BRINP3: variants seen among roughly 807,000 people sequenced by gnomAD.
BRINP3 encodes BMP/retinoic acid-inducible neural-specific protein 3.
Under a neutral mutation model 71.0 loss-of-function variants are expected in BRINP3, and 19 were observed. The ratio of observed to expected loss-of-function variants is 0.27; its 90% CI spans 0.19 to 0.39. The LOEUF (loss-of-function observed/expected upper bound fraction) is 0.39, where lower values mean the gene tolerates loss of function less well. BRINP3 is among the 10% of genes least tolerant of loss of function. BRINP3 has a pLI of 1.00. For synonymous variants in BRINP3, 380 were observed against 337.7 expected, an observed-to-expected ratio of 1.13 and a Z score of -1.37; for missense variants, 959 against 940.8, an observed-to-expected ratio of 1.02 and a Z score of -0.25.
intron 6 of BRINP3, 117 bp from the exon 7 acceptor site, chr1:190,161,007 C>A (rs1211018304): frequency 3.0e-6 from 2 of 660,224 alleles, no homozygotes; most frequent in Admixed American, 6.7e-5. Context: ...AAATTAAGAA[C>A]AAATAAATAC....
At chr1:190,119,579 G>T (rs916534676) in intron 7 of BRINP3, among the ~76,000 whole-genome samples, 6 of 152,088 alleles carry the variant, frequency 3.9e-5, no homozygotes, top group Non-Finnish European at 8.8e-5. Flanking sequence ...GAGCTACCGT[G>T]CCCAGCCCTC....
chr1:190,338,743 TAG>T (rs1667455141), intron 2 of BRINP3, among the ~76,000 whole-genome samples: 1 of 151,900 alleles, frequency 6.6e-6, no homozygotes, highest in African/African-American at 2.4e-5. Flanking sequence ...AAGACCTCTG[TAG>T]AAATAATGAC....
chr1:190,155,894 C>T (rs749098276), intron 7 of BRINP3, among the ~76,000 whole-genome samples: 8 of 152,036 alleles, frequency 5.3e-5, no homozygotes, highest in Non-Finnish European at 7.4e-5. Flanking sequence ...AACTGTGAGT[C>T]AATTAAGCCT....
At chr1:190,377,052 T>G (rs1670230354) in intron 2 of BRINP3, among the ~76,000 whole-genome samples, 1 of 152,118 alleles carries the variant, frequency 6.6e-6, no homozygotes. Flanking sequence ...AAAATTTTAA[T>G]TAAGTTCTAA....
intron 7 of BRINP3, among the ~76,000 whole-genome samples, chr1:190,114,884 C>A (rs890333582): frequency 3.3e-5 from 5 of 152,234 alleles, no homozygotes; most frequent in African/African-American, 1.2e-4. Context: ...GCTCATATAT[C>A]TGTACAATTT....
At chr1:190,275,964 G>T (rs111379785) in intron 3 of BRINP3, among the ~76,000 whole-genome samples, 1,656 of 140,586 alleles carry the variant, frequency 0.012, 29 homozygotes, top group African/African-American at 0.032. Flanking sequence ...TATATATATA[G>T]AGAGAGAGAG....
chr1:190,308,962 G>A, intron 2 of BRINP3, among the ~76,000 whole-genome samples: 1 of 151,776 alleles, frequency 6.6e-6, no homozygotes, highest in Middle Eastern at 3.2e-3. Flanking sequence ...TAAAATAATT[G>A]AAAGCAGGGT....
intron 6 of BRINP3, among the ~76,000 whole-genome samples, chr1:190,167,572 T>TCAC (rs1254595160): frequency 6.6e-6 from 1 of 152,188 alleles, no homozygotes; most frequent in Non-Finnish European, 1.5e-5. Flanking sequence ...AATAAATCTT[T>TCAC]CACCTCTTGC....
chr1:190,387,316 C>T (rs1184969490), intron 2 of BRINP3, among the ~76,000 whole-genome samples: 1 of 151,844 alleles, frequency 6.6e-6, no homozygotes, highest in African/African-American at 2.4e-5. Flanking sequence ...AGTTCATGTG[C>T]AAAAGATCTC....
intron 2 of BRINP3, among the ~76,000 whole-genome samples, chr1:190,445,563 T>A (rs1260121663): frequency 7.0e-6 from 1 of 142,424 alleles, no homozygotes; most frequent in Non-Finnish European, 1.5e-5. Context: ...CGCACGTGCA[T>A]AACACATACT....
chr1:190,359,301 T>A (rs892064388), intron 2 of BRINP3, among the ~76,000 whole-genome samples: 3 of 152,122 alleles, frequency 2.0e-5, no homozygotes, highest in Non-Finnish European at 4.4e-5. Context: ...TGGTTTGGAC[T>A]AGACAGATAT....
At chr1:190,203,529 T>C (rs1655199881) in intron 6 of BRINP3, among the ~76,000 whole-genome samples, 1 of 149,408 alleles carries the variant, frequency 6.7e-6, no homozygotes, top group African/African-American at 2.4e-5. Flanking sequence ...TGGATGTCTC[T>C]ATAGCCCTCT....
intron 2 of BRINP3, among the ~76,000 whole-genome samples, chr1:190,382,402 A>C (rs887056596): frequency 2.6e-5 from 4 of 152,150 alleles, no homozygotes; most frequent in African/African-American, 9.7e-5. Context: ...GAAAATTAGA[A>C]ATGTGGACTC....
chr1:190,136,521 C>T (rs1654990003), intron 7 of BRINP3, among the ~76,000 whole-genome samples: 1 of 152,106 alleles, frequency 6.6e-6, no homozygotes, highest in African/African-American at 2.4e-5. Context: ...ACCTTCTTCC[C>T]TGCCTTCCCT....
intron 2 of BRINP3, among the ~76,000 whole-genome samples, chr1:190,305,134 T>C (rs1571694256): frequency 6.6e-6 from 1 of 151,954 alleles, no homozygotes; most frequent in East Asian, 1.9e-4. Flanking sequence ...AAAGATGTGG[T>C]GAAAAGGGAA....
intron 2 of BRINP3, among the ~76,000 whole-genome samples, chr1:190,433,178 C>A (rs1674217778): frequency 6.6e-6 from 1 of 152,142 alleles, no homozygotes; most frequent in South Asian, 2.1e-4. Flanking sequence ...TAGACCACTG[C>A]AAATATTGCA....
intron 7 of BRINP3, among the ~76,000 whole-genome samples, chr1:190,148,985 C>T (rs935792053): frequency 3.9e-5 from 6 of 152,158 alleles, no homozygotes; most frequent in African/African-American, 1.2e-4. Context: ...TGGACTCTAG[C>T]TCTGCCACCA....
intron 2 of BRINP3, among the ~76,000 whole-genome samples, chr1:190,434,267 G>A (rs776809345): frequency 3.9e-4 from 59 of 151,784 alleles, no homozygotes; most frequent in Non-Finnish European, 7.8e-4. Context: ...CCACCACCAC[G>A]CCTGGCTAAT....
intron 6 of BRINP3, among the ~76,000 whole-genome samples, chr1:190,168,689 C>T (rs1277796540): frequency 6.6e-6 from 1 of 152,112 alleles, no homozygotes; most frequent in East Asian, 1.9e-4. Flanking sequence ...TCATGTTTGA[C>T]ACAATTCCAG....
Sources: gnomAD v4.1 joint callset for allele counts (sites outside exome capture counted in the v4.1 genomes callset) on GRCh38, gnomAD v4.1.1 for gene constraint, MANE v1.5 for transcripts, NCBI Gene and HGNC (gene_info 2026-07-23, HGNC 2026-07-21) for gene names.